Variants in XRCC1 observed in about 807,000 individuals in gnomAD.
The protein encoded by XRCC1 is DNA repair protein XRCC1.
In XRCC1, 52 loss-of-function variants were observed where a neutral mutation model predicts 83.3. The observed-to-expected ratio is 0.62, with a 90% CI of 0.50 to 0.79. The LOEUF (loss-of-function observed/expected upper bound fraction) is 0.79. XRCC1 is among the 30% of genes least tolerant of loss of function. The pLI, the probability that XRCC1 is intolerant of heterozygous loss-of-function variation, is 0.00. For synonymous variants in XRCC1, 281 were observed against 312.6 expected (o/e 0.90, Z 1.07); for missense variants, 793 against 823.5 (o/e 0.96, Z 0.45).
In XRCC1 at chr19:43,544,238, C is replaced by T. The variant is rs529925793; in HGVS notation, c.1622-4G>A. ...AAGTGCTTGCCCTGGAAGAAATCTG[C>T]AGGAGAGAAGGGGGCTAAGGTAAGC... On this transcript the variant is annotated splice_region_variant and splice_polypyrimidine_tract_variant and intron_variant, in intron 14 of 16. Transcript: ENST00000262887. The T allele has an allele frequency of 7.3e-5, 117 of 1,605,424 alleles. No homozygotes were observed. The South Asian group carries it at 1.2e-3, about 16-fold the overall frequency.
At chr19:43,553,227 C>G (rs1327050933) in intron 6 of XRCC1, 136 bp from the exon 7 acceptor site, 2 of 1,190,428 alleles carry the variant, frequency 1.7e-6, no homozygotes, top group Non-Finnish European at 2.4e-6. Flanking sequence ...CCTCTCAACC[C>G]TCAGGACACA....
At chr19:43,548,770 A>AAAAAAAAAAAAAAG (rs1555768454) in intron 10 of XRCC1, among the ~76,000 whole-genome samples, 6 of 122,882 alleles carry the variant, frequency 4.9e-5, no homozygotes, top group African/African-American at 1.9e-4. Context: ...AATGATCAAA[A>AAAAAAAAAAAAAAG]AAAAAAAAAA....
chr19:43,544,939 C>T (rs577039929), intron 14 of XRCC1, among the ~76,000 whole-genome samples: 4 of 152,178 alleles, frequency 2.6e-5, no homozygotes, highest in Admixed American at 6.5e-5. Context: ...TGAGCCACCA[C>T]GCCTGGCCTG....
intron 2 of XRCC1, among the ~76,000 whole-genome samples, chr19:43,561,957 C>A (rs1380538113): frequency 6.6e-6 from 1 of 151,956 alleles, no homozygotes; most frequent in Non-Finnish European, 1.5e-5. Context: ...GCCAGCCTGG[C>A]CAACATGGCA....
intron 2 of XRCC1, among the ~76,000 whole-genome samples, chr19:43,565,559 G>C (rs1568517666): frequency 6.6e-6 from 1 of 152,238 alleles, no homozygotes; most frequent in Non-Finnish European, 1.5e-5. Flanking sequence ...GGAGATGCTT[G>C]TATTTTAAAT....
chr19:43,552,505 C>G (rs1349765544), intron 8 of XRCC1, among the ~76,000 whole-genome samples: 1 of 145,612 alleles, frequency 6.9e-6, no homozygotes, highest in Non-Finnish European at 1.5e-5. Context: ...GGAGTCCAGG[C>G]CCCCAGCCCC....
chr19:43,555,451 C>G (rs984820663), intron 3 of XRCC1: 2 of 152,230 alleles, frequency 1.3e-5, no homozygotes, highest in East Asian at 3.9e-4. Context: ...GCATCACCCC[C>G]AGTTAAGCTT....
At position 43,547,087 on chromosome 19, in the gene XRCC1, T is replaced by G. The variant is rs117649720; in HGVS notation, c.1200-110A>C. 2,493 of 1,061,506 alleles carry G rather than the reference T, an allele frequency of 2.3e-3. 8 individuals are homozygous for G. The highest frequency in any genetic ancestry group is 3.0e-3 in the Non-Finnish European group (2,201 of 731,184). The allele number at this position is 1,061,506 out of a possible 1,614,324, so 65.8% of individuals were successfully genotyped here. ...AAAATACTCACTCTAGTGGGCCTCATGGTCTTGTTCCCAGCCCATTCTCTC... is the reference window on the plus strand; with the variant it reads ...AAAATACTCACTCTAGTGGGCCTCAGGGTCTTGTTCCCAGCCCATTCTCTC... On this transcript the variant is annotated intron_variant, in intron 10 of 16. Coordinates refer to ENST00000262887, the MANE Select transcript of XRCC1 (RefSeq NM_006297.3).
In XRCC1 at chr19:43,554,796, C is replaced by T. The variant is rs763294636; in HGVS notation, c.264G>A (p.Leu88=). 5 of 1,610,826 alleles carry T rather than the reference C, an allele frequency of 3.1e-6. No individual in the cohort carries two copies. The highest frequency in any genetic ancestry group is 1.1e-5 in the South Asian group (1 of 90,896). The stretch of plus-strand genomic sequence containing the variant: ...AAGGGGACATGAAAGATGAGGTGAC[C>T]AGAAGGACCTGGGTGGGAGAAGCCA... ...GAGEQDYEVL[L]VTSSFMSPSE... Residue 88 remains leucine (L), a synonymous_variant, in exon 4 of 17, where the codon CTG becomes CTA. Coordinates refer to ENST00000262887, the MANE Select transcript of XRCC1 (RefSeq NM_006297.3).
chr19:43,566,096 C>T (rs1162618236), intron 2 of XRCC1, among the ~76,000 whole-genome samples: 1 of 151,938 alleles, frequency 6.6e-6, no homozygotes, highest in Non-Finnish European at 1.5e-5. Context: ...ATTAGCCAGA[C>T]TTGGTGGCGT....
At chr19:43,560,851 G>A (rs954973714) in intron 3 of XRCC1, 59 bp downstream of exon 3, 10 of 1,406,854 alleles carry the variant, frequency 7.1e-6, no homozygotes, top group East Asian at 2.3e-5. Context: ...TGGGGGAGAC[G>A]GTGATGCGAG....
intron 2 of XRCC1, among the ~76,000 whole-genome samples, chr19:43,561,785 C>G (rs1470119959): frequency 6.6e-6 from 1 of 152,146 alleles, no homozygotes; most frequent in Non-Finnish European, 1.5e-5. Context: ...GCACGGGAGG[C>G]AGTTAGGTTG....
chr19:43,549,421 A>G (rs1341197531), intron 10 of XRCC1, among the ~76,000 whole-genome samples: 2 of 151,974 alleles, frequency 1.3e-5, no homozygotes, highest in Non-Finnish European at 2.9e-5. Flanking sequence ...CACCATGCCC[A>G]GCTAATTTTT....
chr19:43,543,353 T>G lies in XRCC1; in HGVS notation c.*39A>C. ...TTATTAAATGCATCGTGTGTGTGTGTGTGTGTGTGTGTGTGTGTGTGTGTG... is the reference window on the plus strand; with the variant it reads ...TTATTAAATGCATCGTGTGTGTGTGGGTGTGTGTGTGTGTGTGTGTGTGTG... On this transcript the variant is annotated 3_prime_UTR_variant, in exon 17 of 17. Transcript: ENST00000262887. 1.7e-6 allele frequency: 2 copies of G among 1,175,618 alleles called. No individual in the cohort carries two copies. The highest frequency in any genetic ancestry group is 2.4e-6 in the Non-Finnish European group (2 of 836,968). 72.8% of individuals were successfully genotyped at this position (1,175,618 alleles called of 1,614,324 possible).
chr19:43,553,557 TG>T, intron 5 of XRCC1, 45 bp from the exon 6 acceptor site: 1 of 1,610,992 alleles, frequency 6.2e-7, no homozygotes. Flanking sequence ...TGCTGGCAGG[TG>T]GGGGTGGAGA....
Position 43,553,468 on chromosome 19 carries a change from C to T in XRCC1, c.534G>A (p.Glu178=), listed in dbSNP as rs377599064. 4.3e-6 allele frequency: 7 copies of T among 1,614,156 alleles called. No homozygotes were observed. The highest frequency in any genetic ancestry group is 5.9e-6 in the Non-Finnish European group (7 of 1,180,004). Residue 178 remains glutamate, a synonymous_variant, in exon 6 of 17, where the codon GAG becomes GAA. Transcript: ENST00000262887. The part of the protein sequence containing the change: ...TKLGQFRVKE[E]DESANSLRPG... ...GCCTCAGAGAGTTGGCGCTCTCATC[C>T]TCCTCCTTCACACGGAACTGGCCAA... is the stretch of plus-strand genomic sequence containing the variant.
At position 43,560,294 on chromosome 19, in the gene XRCC1, G is replaced by C. The variant is rs191628804; in HGVS notation, c.255+616C>G. ...ACCTGTAGTCCCAGCAACTCGGGAGGCTGAGGCAGAAGAATAGCTTGAACC... is the reference window on the plus strand; with the variant it reads ...ACCTGTAGTCCCAGCAACTCGGGAGCCTGAGGCAGAAGAATAGCTTGAACC... On this transcript the variant is annotated intron_variant, in intron 3 of 16. Coordinates refer to ENST00000262887, the MANE Select transcript of XRCC1 (RefSeq NM_006297.3). Among the ~76,000 whole-genome samples, 3 of 151,950 alleles carry C rather than the reference G, an allele frequency of 2.0e-5. No homozygotes were observed. The South Asian group carries it at 6.2e-4, about 31-fold the overall frequency.
chr19:43,561,303 C>G (rs1972696908), intron 2 of XRCC1, among the ~76,000 whole-genome samples: 1 of 152,244 alleles, frequency 6.6e-6, no homozygotes. Flanking sequence ...TTATCACACA[C>G]TGCCATAGAG....
chr19:43,547,710 G>A (rs892987562), intron 10 of XRCC1, among the ~76,000 whole-genome samples: 8 of 152,002 alleles, frequency 5.3e-5, no homozygotes, highest in Non-Finnish European at 1.5e-5. Flanking sequence ...ACGTTGGCCA[G>A]GATGGTCTCG....
Sources: allele counts gnomAD v4.1 joint callset (sites outside exome capture counted in the v4.1 genomes callset), GRCh38; gene constraint gnomAD v4.1.1; transcripts MANE v1.5; gene names NCBI Gene and HGNC (gene_info 2026-07-23, HGNC 2026-07-21).